Variants in ANGPT1 observed in about 807,000 individuals in gnomAD.
ANGPT1 encodes angiopoietin-1.
A neutral mutation model predicts 62.2 loss-of-function variants in ANGPT1; 17 were observed. That is an observed-to-expected ratio of 0.27 (90% CI 0.19 to 0.41). The LOEUF (loss-of-function observed/expected upper bound fraction) is 0.41. Ranked by LOEUF, ANGPT1 falls within the 10% of genes least tolerant of loss-of-function variation. The pLI is 1.00. For missense variants in ANGPT1, 478 were observed against 594.9 expected, an observed-to-expected ratio of 0.80 and a Z score of 2.04; for synonymous variants, 199 against 198.9, an observed-to-expected ratio of 1.00 and a Z score of 0.00.
At chr8:107,352,449 G>A (rs1237208905) in intron 1 of ANGPT1, among the ~76,000 whole-genome samples, 1 of 152,140 alleles carries the variant, frequency 6.6e-6, no homozygotes, top group Non-Finnish European at 1.5e-5. Flanking sequence ...GACCAGGGGA[G>A]AACTGATGCT....
intron 1 of ANGPT1, among the ~76,000 whole-genome samples, chr8:107,367,505 A>C (rs936511049): frequency 2.0e-5 from 3 of 152,074 alleles, no homozygotes; most frequent in African/African-American, 7.2e-5. Context: ...TATCCATATC[A>C]ATTGACTGTT....
At chr8:107,419,887 C>T (rs528499162) in intron 1 of ANGPT1, among the ~76,000 whole-genome samples, 1 of 152,228 alleles carries the variant, frequency 6.6e-6, no homozygotes, top group South Asian at 2.1e-4. Context: ...TCTCATATTG[C>T]ACTGCTATTT....
At chr8:107,310,043 TA>T (rs1814812151) in intron 4 of ANGPT1, among the ~76,000 whole-genome samples, 2 of 152,152 alleles carry the variant, frequency 1.3e-5, no homozygotes, top group Admixed American at 1.3e-4. Context: ...TAAACATTTT[TA>T]AAAAAGAACT....
At chr8:107,369,046 T>A (rs1454415757) in intron 1 of ANGPT1, among the ~76,000 whole-genome samples, 2 of 122,862 alleles carry the variant, frequency 1.6e-5, no homozygotes, top group East Asian at 5.0e-4. Flanking sequence ...GCTGTCTAGT[T>A]ACACAAGTCC....
At chr8:107,331,963 C>T (rs1317755729) in intron 3 of ANGPT1, among the ~76,000 whole-genome samples, 4 of 152,134 alleles carry the variant, frequency 2.6e-5, no homozygotes, top group African/African-American at 7.2e-5. Flanking sequence ...TTTAGCCTGG[C>T]TTTGCTTCCG....
At chr8:107,386,869 G>A (rs1437137838) in intron 1 of ANGPT1, among the ~76,000 whole-genome samples, 1 of 151,910 alleles carries the variant, frequency 6.6e-6, no homozygotes, top group African/African-American at 2.4e-5. Context: ...ATTCTCTTTT[G>A]GAATTAATAT....
chr8:107,343,106 A>G (rs1001409544), intron 2 of ANGPT1, among the ~76,000 whole-genome samples: 2 of 149,886 alleles, frequency 1.3e-5, no homozygotes, highest in Non-Finnish European at 3.0e-5. Context: ...TAAAGTGCTG[A>G]GATTTTAGGT....
intron 2 of ANGPT1, among the ~76,000 whole-genome samples, chr8:107,345,920 T>A (rs902365706): frequency 3.9e-5 from 6 of 152,122 alleles, no homozygotes; most frequent in Non-Finnish European, 8.8e-5. Context: ...TCAAGGGAGA[T>A]AGAAAAGAAA....
At chr8:107,389,604 G>A (rs1347517010) in intron 1 of ANGPT1, among the ~76,000 whole-genome samples, 1 of 152,076 alleles carries the variant, frequency 6.6e-6, no homozygotes, top group Admixed American at 6.6e-5. Flanking sequence ...TGATTTTCCT[G>A]AACATCTTTT....
chr8:107,265,518 G>A (rs574213028), intron 7 of ANGPT1, among the ~76,000 whole-genome samples: 4 of 152,110 alleles, frequency 2.6e-5, no homozygotes, highest in Non-Finnish European at 5.9e-5. Context: ...TTGTCGTATC[G>A]ACAGCTTGAA....
At chr8:107,376,244 A>G (rs1269909571) in intron 1 of ANGPT1, among the ~76,000 whole-genome samples, 2 of 152,202 alleles carry the variant, frequency 1.3e-5, no homozygotes, top group Admixed American at 6.5e-5. Context: ...TTTTAAATTC[A>G]TAACTCTTGC....
intron 4 of ANGPT1, among the ~76,000 whole-genome samples, chr8:107,311,876 A>G (rs1306318595): frequency 6.6e-5 from 10 of 152,100 alleles, no homozygotes; most frequent in Non-Finnish European, 1.5e-4. Flanking sequence ...CATCCTGGCT[A>G]AAATGGTGAA....
At chr8:107,427,718 T>C (rs1226063328) in intron 1 of ANGPT1, among the ~76,000 whole-genome samples, 11 of 152,204 alleles carry the variant, frequency 7.2e-5, no homozygotes, top group Admixed American at 4.6e-4. Context: ...TGGTGGATTG[T>C]TTTAGACTGT....
At chr8:107,424,581 C>T (rs1308041416) in intron 1 of ANGPT1, among the ~76,000 whole-genome samples, 1 of 152,158 alleles carries the variant, frequency 6.6e-6, no homozygotes, top group Non-Finnish European at 1.5e-5. Flanking sequence ...TATTCCCCTC[C>T]TGAGACCACA....
At chr8:107,381,806 G>T (rs1001513167) in intron 1 of ANGPT1, among the ~76,000 whole-genome samples, 1 of 152,168 alleles carries the variant, frequency 6.6e-6, no homozygotes, top group Admixed American at 6.6e-5. Context: ...TTTTCCAAAA[G>T]AAAAGCAAGC....
Position 107,251,999 on chromosome 8 carries a change from A to G in ANGPT1, c.1353T>C (p.Ala451=). ...LMLTGGWWFD[A]CGPSNLNGMF... is the part of the protein sequence containing the mutation. Reference sequence around the variant, plus strand: ...TTCCATTTAGATTGGAGGGGCCACAAGCATCAAACCACCATCCTGAAAAAA... The same window carrying G: ...TTCCATTTAGATTGGAGGGGCCACAGGCATCAAACCACCATCCTGAAAAAA... Residue 451 remains alanine, a synonymous_variant, in exon 9 of 9, where the codon GCT becomes GCC. Coordinates refer to ENST00000517746, the MANE Select transcript of ANGPT1 (RefSeq NM_001146.5). 6.2e-7 allele frequency: 1 copy of G among 1,613,700 alleles called. No individual in the cohort carries two copies. The highest frequency in any genetic ancestry group is 8.5e-7 in the Non-Finnish European group (1 of 1,179,746).
At chr8:107,455,687 G>A (rs1341597644) in intron 1 of ANGPT1, among the ~76,000 whole-genome samples, 1 of 152,030 alleles carries the variant, frequency 6.6e-6, no homozygotes, top group African/African-American at 2.4e-5. Context: ...CATGAGTCAT[G>A]TGGGTAATGC....
intron 3 of ANGPT1, among the ~76,000 whole-genome samples, chr8:107,327,890 TC>T (rs1815327325): frequency 6.6e-6 from 1 of 152,156 alleles, no homozygotes; most frequent in Admixed American, 6.6e-5. Context: ...ATTTGAAGTT[TC>T]TGGTAGACTT....
chr8:107,427,182 T>A (rs1434187866), intron 1 of ANGPT1, among the ~76,000 whole-genome samples: 1 of 152,182 alleles, frequency 6.6e-6, no homozygotes, highest in Admixed American at 6.5e-5. Flanking sequence ...CAGGACCAGC[T>A]TGCATTAGTT....
Sources: allele counts gnomAD v4.1 joint callset (sites outside exome capture counted in the v4.1 genomes callset), GRCh38; gene constraint gnomAD v4.1.1; transcripts MANE v1.5; gene names NCBI Gene and HGNC (gene_info 2026-07-23, HGNC 2026-07-21).